Variants in MED6 observed in about 807,000 individuals in gnomAD.
The protein encoded by MED6 is mediator complex subunit 6, also known as mediator of RNA polymerase II transcription subunit 6.
Under a neutral mutation model 37.5 loss-of-function variants are expected in MED6, and 33 were observed. The observed-to-expected ratio is 0.88, with a 90% CI of 0.67 to 1.18. The LOEUF is 1.18. Among genes scored for constraint, MED6 ranks in the 50% most tolerant of loss-of-function variants. The pLI, the probability that MED6 is intolerant of heterozygous loss-of-function variation, is 0.00. For missense variants in MED6, 235 were observed against 290.6 expected (o/e 0.81, Z 1.39); for synonymous variants, 94 against 93.6 (o/e 1.00, Z -0.02).
intron 6 of MED6, among the ~76,000 whole-genome samples, chr14:70,589,000 C>T (rs989029068): frequency 6.6e-5 from 10 of 151,648 alleles, no homozygotes; most frequent in African/African-American, 1.2e-4. Context: ...TAGCCAGGGG[C>T]GGGGAAAAAA....
chr14:70,593,235 T>C (rs761762415), intron 4 of MED6, 61 bp downstream of exon 4: 5 of 1,421,824 alleles, frequency 3.5e-6, no homozygotes, highest in African/African-American at 1.4e-5. Flanking sequence ...GTTTGATTAC[T>C]GGAAGCAAGG....
At chr14:70,593,408 T>C (rs1462084057) in intron 3 of MED6, 30 bp from the exon 4 acceptor site, 1 of 1,502,236 alleles carries the variant, frequency 6.7e-7, no homozygotes, top group Non-Finnish European at 9.2e-7. Context: ...GGTTTATAAA[T>C]ACAGCTATGG....
In MED6 at chr14:70,584,780, A is replaced by G; in HGVS notation, c.*33T>C. 6.2e-7 allele frequency: 1 copy of G among 1,604,418 alleles called. No homozygotes were observed. Among genetic ancestry groups the G allele is most frequent in the Non-Finnish European group, 8.5e-7 (1 of 1,177,134 alleles). ...GTACTGAGGTATGATAACTAGCATG[A>G]GGAGTCTTCCAGGCTTCTCTTTTGT... On this transcript the variant is annotated 3_prime_UTR_variant, in exon 8 of 8. Coordinates refer to ENST00000256379, the MANE Select transcript of MED6 (RefSeq NM_005466.4).
At chr14:70,590,745 C>T (rs370447030) in intron 6 of MED6, among the ~76,000 whole-genome samples, 10 of 152,312 alleles carry the variant, frequency 6.6e-5, no homozygotes, top group African/African-American at 2.4e-4. Context: ...CCCTGCCCCT[C>T]CAAATCACAC....
chr14:70,596,395 T>C, intron 3 of MED6: 1 of 435,962 alleles, frequency 2.3e-6, no homozygotes, highest in South Asian at 3.9e-5. Context: ...CCAGTACTAA[T>C]CTGGCTGCGT....
intron 3 of MED6, 101 bp downstream of exon 3, chr14:70,596,510 C>A (rs1011458624): frequency 2.6e-5 from 21 of 813,130 alleles, no homozygotes; most frequent in Non-Finnish European, 3.4e-5. Flanking sequence ...GTCTTGGAGA[C>A]CCCCCAAACA....
rs1364209853 is a variant in MED6 at position 70,600,643 on chromosome 14, C to T, written c.-6G>A. The T allele has an allele frequency of 6.2e-7, 1 of 1,613,048 alleles. No individual in the cohort carries two copies. The highest frequency in any genetic ancestry group is 1.3e-5 in the African/African-American group (1 of 74,552). On this transcript the variant is annotated 5_prime_UTR_variant, in exon 1 of 8. Coordinates refer to ENST00000256379, the MANE Select transcript of MED6 (RefSeq NM_005466.4). Reference sequence around the variant, plus strand: ...CGGATATCCACCGCCGCCATAATTCCGAGAGCGTTTACAGGTTCTCTTTCC... The same window carrying T: ...CGGATATCCACCGCCGCCATAATTCTGAGAGCGTTTACAGGTTCTCTTTCC...
rs564416131 is a variant in MED6, at chr14:70,595,243, G to A, written c.274+1368C>T. 837 of 543,372 alleles carry A rather than the reference G, an allele frequency of 1.5e-3. 14 individuals carry two copies. Among genetic ancestry groups the A allele is most frequent in the South Asian group, 0.011 (784 of 70,310 alleles). 33.7% of individuals were successfully genotyped at this position (543,372 alleles called of 1,614,324 possible). A position where few individuals can be genotyped will look rare whatever the true frequency, so the allele number is the denominator to read the frequency against. On this transcript the variant is annotated intron_variant, in intron 3 of 7. Coordinates refer to ENST00000256379, the MANE Select transcript of MED6 (RefSeq NM_005466.4). Reference sequence around the variant, plus strand: ...CCCAGACTGCCAGCTCTGGGTTGACGATGAAGGTAGATACCCCCAAATCTC... The same window carrying A: ...CCCAGACTGCCAGCTCTGGGTTGACAATGAAGGTAGATACCCCCAAATCTC...
chr14:70,590,940 G>A (rs1011441599), intron 6 of MED6, among the ~76,000 whole-genome samples: 2 of 152,196 alleles, frequency 1.3e-5, no homozygotes, highest in Admixed American at 1.3e-4. Context: ...GTGGCATGTA[G>A]AGTAAAAAGA....
At chr14:70,586,724 C>A (rs948350848) in intron 6 of MED6, among the ~76,000 whole-genome samples, 3 of 152,184 alleles carry the variant, frequency 2.0e-5, no homozygotes, top group Non-Finnish European at 2.9e-5. Flanking sequence ...TCTGATATTA[C>A]ATGTTCCAGG....
intron 3 of MED6, chr14:70,595,420 C>T (rs764900779): frequency 1.9e-5 from 11 of 570,236 alleles, no homozygotes; most frequent in Admixed American, 4.5e-5. Context: ...GCTAAGGTGA[C>T]GCTCACGGAG....
intron 5 of MED6, among the ~76,000 whole-genome samples, chr14:70,592,304 G>C (rs1244662352): frequency 2.6e-5 from 4 of 152,102 alleles, no homozygotes; most frequent in Non-Finnish European, 5.9e-5. Flanking sequence ...GAGATGCAAA[G>C]ATCAGAAAAC....
At chr14:70,600,502 C>T in intron 1 of MED6, 114 bp downstream of exon 1, 2 of 1,209,472 alleles carry the variant, frequency 1.7e-6, no homozygotes, top group South Asian at 1.3e-5. Context: ...ACAAAAACCA[C>T]TCAAAAAAGC....
intron 2 of MED6, among the ~76,000 whole-genome samples, 198 bp from the exon 3 acceptor site, chr14:70,596,900 T>A (rs889063559): frequency 6.6e-6 from 1 of 152,224 alleles, no homozygotes; most frequent in East Asian, 1.9e-4. Context: ...TAAGACTTGT[T>A]TCTAAACAAC....
Position 70,584,917 on chromosome 14 carries a change from G to T in MED6, c.637C>A (p.Pro213Thr), listed in dbSNP as rs1418245256. 1 of 1,613,876 alleles carries T rather than the reference G, an allele frequency of 6.2e-7. No homozygotes were observed. The highest frequency in any genetic ancestry group is 1.3e-5 in the African/African-American group (1 of 74,960). Residue 213 changes from proline to threonine, a missense_variant, in exon 8 of 8, where the codon CCT becomes ACT. Transcript: ENST00000256379. ...TCAGGTTTTACAGTTTCTGGTATAGGTTCTGCCTCTTTCTTTGTTTGATCC... is the reference window on the plus strand; with the variant it reads ...TCAGGTTTTACAGTTTCTGGTATAGTTTCTGCCTCTTTCTTTGTTTGATCC... ...PVDQTKKEAE[P>T]IPETVKPEEK...
In MED6 at chr14:70,583,943, A is replaced by C; in HGVS notation, c.*870T>G. ...ATCAATGCTGGACTTCTCAGCCTCC[A>C]TAACTTTAAAAAAAATAAAATTCCT... On this transcript the variant is annotated 3_prime_UTR_variant, in exon 8 of 8. Coordinates refer to ENST00000256379, the MANE Select transcript of MED6 (RefSeq NM_005466.4). 1 of 442,796 alleles carries C rather than the reference A, an allele frequency of 2.3e-6. No homozygotes were observed. The highest frequency in any genetic ancestry group is 4.0e-6 in the Non-Finnish European group (1 of 252,244). 27.4% of individuals were successfully genotyped at this position (442,796 alleles called of 1,614,324 possible).
Position 70,593,284 on chromosome 14 carries a change from G to A in MED6, c.357+12C>T. The stretch of plus-strand genomic sequence containing the variant: ...GTTTTCTTTAGTGCTTAAAGAATGT[G>A]AAGACACTTACCACTCTAGAGTTTA... On this transcript the variant is annotated intron_variant, in intron 4 of 7. Transcript: ENST00000256379. 6.2e-7 allele frequency: 1 copy of A among 1,608,522 alleles called. No homozygotes were observed.
chr14:70,598,130 A>G (rs1885099011), intron 1 of MED6, among the ~76,000 whole-genome samples: 2 of 152,194 alleles, frequency 1.3e-5, no homozygotes, highest in South Asian at 4.2e-4. Context: ...CCCCGTCTCT[A>G]CTAAAAATAC....
intron 5 of MED6, 55 bp from the exon 6 acceptor site, chr14:70,591,436 T>C: frequency 1.5e-6 from 2 of 1,378,464 alleles, no homozygotes; most frequent in Non-Finnish European, 2.0e-6. Flanking sequence ...TGGTGTCTCA[T>C]ATTTTACAAA....
Sources: allele counts gnomAD v4.1 joint callset (sites outside exome capture counted in the v4.1 genomes callset), GRCh38; gene constraint gnomAD v4.1.1; transcripts MANE v1.5; gene names NCBI Gene and HGNC (gene_info 2026-07-23, HGNC 2026-07-21).